NPHP4: variants seen among roughly 807,000 people sequenced by gnomAD.
NPHP4 encodes nephrocystin 4.
A neutral mutation model predicts 155.8 loss-of-function variants in NPHP4; 151 were observed. The ratio of observed to expected loss-of-function variants is 0.97; its 90% confidence interval spans 0.85 to 1.11. NPHP4 has a LOEUF of 1.11. Ranked by LOEUF, NPHP4 falls within the 50% of genes least tolerant of loss-of-function variation. NPHP4 has a pLI of 0.00. For missense variants in NPHP4, 1,956 were observed against 1,925.7 expected (o/e 1.02, Z -0.29); for synonymous variants, 845 against 816.8 (o/e 1.03, Z -0.59).
At chr1:5,992,029 G>A (rs544293283) in intron 1 of NPHP4, among the ~76,000 whole-genome samples, 2 of 152,166 alleles carry the variant, frequency 1.3e-5, no homozygotes, top group East Asian at 1.9e-4. Flanking sequence ...GTGTCCCGAC[G>A]AGGGGGGACG....
intron 26 of NPHP4, chr1:5,865,726 G>C (rs1641152861): frequency 6.0e-6 from 1 of 167,102 alleles, no homozygotes; most frequent in Non-Finnish European, 1.3e-5. Context: ...TTAGGGCCAA[G>C]AGCCTGCTGC....
intron 9 of NPHP4, among the ~76,000 whole-genome samples, chr1:5,936,976 G>A (rs975065116): frequency 6.6e-6 from 1 of 152,188 alleles, no homozygotes; most frequent in Non-Finnish European, 1.5e-5. Context: ...AGACACAGAG[G>A]GAGACACAGA....
At position 5,890,485 on chromosome 1, in the gene NPHP4, CA is replaced by C. The variant is rs1180935165; in HGVS notation, c.2304+382del. Among the ~76,000 whole-genome samples, 1 of 152,174 alleles carries C rather than the reference CA, an allele frequency of 6.6e-6. No individual in the cohort carries two copies. Among genetic ancestry groups the C allele is most frequent in the East Asian group, 1.9e-4 (1 of 5,178 alleles). On this transcript the variant is annotated intron_variant, in intron 17 of 29. Coordinates refer to ENST00000378156, the MANE Select transcript of NPHP4 (RefSeq NM_015102.5). The surrounding 1 kb of genome is among the most constrained non-coding windows in gnomAD (Gnocchi z 4.9). ...GTCACTGACCTTAGGAATCAGGTCACACTGCACACCCCAGTCATTCGCGTAT... is the reference window on the plus strand; with the variant it reads ...GTCACTGACCTTAGGAATCAGGTCACCTGCACACCCCAGTCATTCGCGTAT...
chr1:5,927,870 C>T, intron 10 of NPHP4, 83 bp from the exon 11 acceptor site: 2 of 1,441,126 alleles, frequency 1.4e-6, no homozygotes, highest in Admixed American at 3.9e-5. Flanking sequence ...ACAGCAGGCT[C>T]TGCCCTAAAA....
intron 9 of NPHP4, among the ~76,000 whole-genome samples, chr1:5,945,548 G>A (rs1174572653): frequency 2.0e-5 from 3 of 152,102 alleles, no homozygotes; most frequent in Non-Finnish European, 4.4e-5. Flanking sequence ...AGGTCAACTC[G>A]CCGCTACCAG....
intron 3 of NPHP4, among the ~76,000 whole-genome samples, chr1:5,970,591 C>T (rs1276044321): frequency 6.6e-6 from 1 of 152,060 alleles, no homozygotes; most frequent in Non-Finnish European, 1.5e-5. Flanking sequence ...GAATGCGCAT[C>T]CCCAGGCATC....
chr1:5,877,379 GACC>G, intron 19 of NPHP4, 81 bp from the exon 20 acceptor site: 1 of 1,212,100 alleles, frequency 8.3e-7, no homozygotes, highest in Non-Finnish European at 1.2e-6. Flanking sequence ...GGCCTCCCAG[GACC>G]ACCTATATAG....
chr1:5,990,991 G>C (rs1460831348), intron 1 of NPHP4, among the ~76,000 whole-genome samples: 2 of 152,184 alleles, frequency 1.3e-5, no homozygotes, highest in African/African-American at 4.8e-5. Flanking sequence ...CAGTGGGGGA[G>C]AAAGACAAGA....
At chr1:5,937,914 C>T (rs1646627480) in intron 9 of NPHP4, among the ~76,000 whole-genome samples, 1 of 152,152 alleles carries the variant, frequency 6.6e-6, no homozygotes. Context: ...CAGCTCAGGC[C>T]CTGGGCTGGG....
chr1:5,944,229 G>A lies in NPHP4; in HGVS notation c.1119+2875C>T, dbSNP rs188633477. 6.6e-6 allele frequency among the ~76,000 whole-genome samples: 1 copy of A among 152,326 alleles called. No homozygotes were observed. Among genetic ancestry groups the A allele is most frequent in the Non-Finnish European group, 1.5e-5 (1 of 68,030 alleles). On this transcript the variant is annotated intron_variant, in intron 9 of 29. Coordinates refer to ENST00000378156, the MANE Select transcript of NPHP4 (RefSeq NM_015102.5). The surrounding 1 kb of genome is among the most constrained non-coding windows in gnomAD (Gnocchi z 4.3). Reference sequence around the variant, plus strand: ...CAGCCTGTTTTCAGCTGTGCTTACAGCTTCCACCACGCAGGGTCCTCACCA... The same window carrying A: ...CAGCCTGTTTTCAGCTGTGCTTACAACTTCCACCACGCAGGGTCCTCACCA...
At position 5,913,230 on chromosome 1, in the gene NPHP4, G is replaced by T. The variant is rs549098660; in HGVS notation, c.1442-4017C>A. 4.0e-5 allele frequency among the ~76,000 whole-genome samples: 6 copies of T among 151,374 alleles called. No individual in the cohort carries two copies. The South Asian group carries it at 1.0e-3, about 26-fold the overall frequency. ...AGAAGCTCGTGGCCAGCGGGGCCCT[G>T]AGATGGGGTTGCCAGCACACACCTC... is the stretch of plus-strand genomic sequence containing the variant. On this transcript the variant is annotated intron_variant, in intron 11 of 29. Coordinates refer to ENST00000378156, the MANE Select transcript of NPHP4 (RefSeq NM_015102.5).
At chr1:5,891,298 G>A (rs540274405) in intron 16 of NPHP4, among the ~76,000 whole-genome samples, 2 of 152,356 alleles carry the variant, frequency 1.3e-5, no homozygotes, top group South Asian at 2.1e-4. Flanking sequence ...AACAGCCTAA[G>A]ATGGATGGGA....
In NPHP4 at chr1:5,889,001, C is replaced by T. The variant is rs1643969879; in HGVS notation, c.2305-1535G>A. On this transcript the variant is annotated intron_variant, in intron 17 of 29. Transcript: ENST00000378156. This position sits in a 1 kb window ranked among gnomAD's most constrained non-coding sequence, Gnocchi z 4.2. ...TGTGACCCTGGGCCTCTGTTTTCTC[C>T]ACCAGAAACAAGGATAAAAACAGAA... Among the ~76,000 whole-genome samples, 1 of 152,202 alleles carries T rather than the reference C, an allele frequency of 6.6e-6. No individual in the cohort carries two copies. The highest frequency in any genetic ancestry group is 2.1e-4 in the South Asian group (1 of 4,824).
intron 11 of NPHP4, among the ~76,000 whole-genome samples, chr1:5,915,147 C>G (rs570623640): frequency 6.6e-6 from 1 of 152,166 alleles, no homozygotes; most frequent in African/African-American, 2.4e-5. Context: ...GGGGGCAGCA[C>G]GCAGAGGCTG....
chr1:5,887,852 G>A (rs969068402), intron 17 of NPHP4, among the ~76,000 whole-genome samples: 20 of 152,226 alleles, frequency 1.3e-4, no homozygotes, highest in South Asian at 2.1e-4. Context: ...TTAGCCAAGC[G>A]TGTCTGGGAC....
chr1:5,894,385 G>A (rs1185906349), intron 16 of NPHP4, among the ~76,000 whole-genome samples: 1 of 151,844 alleles, frequency 6.6e-6, no homozygotes, highest in Non-Finnish European at 1.5e-5. Context: ...AGGAGGTGCA[G>A]GTTGAAGTAA....
At position 5,948,249 on chromosome 1, in the gene NPHP4, T is replaced by A; in HGVS notation, c.813A>T (p.Gly271=). 1 of 1,560,100 alleles carries A rather than the reference T, an allele frequency of 6.4e-7. No homozygotes were observed. Among genetic ancestry groups the A allele is most frequent in the Non-Finnish European group, 8.7e-7 (1 of 1,155,912 alleles). The change falls in exon 8 of 30, where the codon GGA becomes GGT. Residue 271 remains glycine (G), a splice_region_variant and synonymous_variant. Transcript: ENST00000378156. ...GGGCACCACCGTCCAGTGGGCCACATCCCTGGAAGAGGCACAGAAGGAATG... is the reference window on the plus strand; with the variant it reads ...GGGCACCACCGTCCAGTGGGCCACAACCCTGGAAGAGGCACAGAAGGAATG... ...ELHVQDHFQE[G]CGPLDGGALE...
At chr1:5,864,080 A>T in intron 28 of NPHP4, 47 bp from the exon 29 acceptor site, 1 of 1,598,038 alleles carries the variant, frequency 6.3e-7, no homozygotes, top group Non-Finnish European at 8.5e-7. Context: ...TCACGGGAAC[A>T]GCCACTGGCC....
chr1:5,933,374 G>T (rs373914165), intron 9 of NPHP4, 45 bp from the exon 10 acceptor site: 134 of 1,511,500 alleles, frequency 8.9e-5, no homozygotes, highest in Non-Finnish European at 1.1e-4. Context: ...TATCACAGAA[G>T]TCACCTGGAG....
Sources: allele counts gnomAD v4.1 joint callset (sites outside exome capture counted in the v4.1 genomes callset), GRCh38; gene constraint gnomAD v4.1.1; non-coding constraint Gnocchi (gnomAD v3.1); transcripts MANE v1.5; gene names NCBI Gene and HGNC (gene_info 2026-07-23, HGNC 2026-07-21).